ADARB2: variants seen among roughly 807,000 people sequenced by gnomAD.
ADARB2 encodes inactive double-stranded RNA-specific editase B2.
Under a neutral mutation model 62.2 loss-of-function variants are expected in ADARB2, and 25 were observed. The observed-to-expected ratio is 0.40, with a 90% confidence interval of 0.29 to 0.56. The LOEUF (loss-of-function observed/expected upper bound fraction) is 0.56. ADARB2 is among the 20% of genes least tolerant of loss of function. The pLI, the probability that ADARB2 is intolerant of heterozygous loss-of-function variation, is 0.43. For missense variants in ADARB2, 1,071 were observed against 1,077.4 expected (o/e 0.99, Z 0.08); for synonymous variants, 572 against 500.8 (o/e 1.14, Z -1.90).
At chr10:1,569,155 A>C (rs1049951443) in intron 1 of ADARB2, among the ~76,000 whole-genome samples, 5 of 151,896 alleles carry the variant, frequency 3.3e-5, no homozygotes, top group Admixed American at 1.3e-4. Context: ...AGTCAGAGAG[A>C]GACAGAGATA....
intron 1 of ADARB2, among the ~76,000 whole-genome samples, chr10:1,475,048 C>T (rs2676753): frequency 0.48 from 72,627 of 151,876 alleles, 17,772 homozygotes; most frequent in South Asian, 0.67. Context: ...CCACGGGCCG[C>T]TGCTACAGAG....
At chr10:1,287,076 G>C (rs1831421090) in intron 3 of ADARB2, among the ~76,000 whole-genome samples, 1 of 152,058 alleles carries the variant, frequency 6.6e-6, no homozygotes, top group Non-Finnish European at 1.5e-5. Flanking sequence ...GCGTATGTTG[G>C]GGTGACCTTT....
intron 3 of ADARB2, among the ~76,000 whole-genome samples, chr10:1,344,115 G>A (rs554368099): frequency 9.8e-5 from 15 of 152,292 alleles, no homozygotes; most frequent in African/African-American, 3.1e-4. Flanking sequence ...ACCTGTGGCC[G>A]TGAGTCCTCA....
intron 2 of ADARB2, among the ~76,000 whole-genome samples, chr10:1,376,056 C>T (rs1211257942): frequency 6.6e-6 from 1 of 152,066 alleles, no homozygotes; most frequent in Admixed American, 6.5e-5. Flanking sequence ...ACACACCACA[C>T]ATACCACATG....
intron 2 of ADARB2, among the ~76,000 whole-genome samples, chr10:1,375,947 CCA>C (rs1206140731): frequency 5.6e-5 from 6 of 106,988 alleles, no homozygotes; most frequent in South Asian, 4.6e-4. Flanking sequence ...CAGACACACA[CCA>C]CACACATGCA....
chr10:1,579,490 G>T (rs1833066331), intron 1 of ADARB2, among the ~76,000 whole-genome samples: 1 of 152,186 alleles, frequency 6.6e-6, no homozygotes, highest in Admixed American at 6.5e-5. Context: ...GCTGTAAAGA[G>T]TACATGAGGA....
At chr10:1,403,553 C>T (rs1832682780) in intron 1 of ADARB2, among the ~76,000 whole-genome samples, 1 of 152,202 alleles carries the variant, frequency 6.6e-6, no homozygotes, top group African/African-American at 2.4e-5. Flanking sequence ...GGCAGCAGCT[C>T]TGGGTGAGCT....
intron 1 of ADARB2, among the ~76,000 whole-genome samples, chr10:1,505,381 T>TG (rs1468406488): frequency 1.4e-5 from 2 of 146,370 alleles, no homozygotes; most frequent in Non-Finnish European, 3.1e-5. Context: ...GGAGGGTTTT[T>TG]GTTTTTTTTT....
intron 1 of ADARB2, among the ~76,000 whole-genome samples, chr10:1,604,421 C>T (rs1833469777): frequency 6.6e-6 from 1 of 152,144 alleles, no homozygotes; most frequent in African/African-American, 2.4e-5. Flanking sequence ...AGGCTGGGAA[C>T]AGGCAGGAAG....
intron 6 of ADARB2, among the ~76,000 whole-genome samples, chr10:1,230,135 C>G (rs1210839280): frequency 1.3e-5 from 2 of 152,078 alleles, no homozygotes; most frequent in Admixed American, 1.3e-4. Flanking sequence ...TGGCCCCCAG[C>G]AAAGGTCTCG....
Position 1,275,968 on chromosome 10 carries a change from C to T in ADARB2, c.1078-4899G>A, listed in dbSNP as rs567043346. Among the ~76,000 whole-genome samples, 183 of 152,108 alleles carry T rather than the reference C, an allele frequency of 1.2e-3. 1 individual carries two copies. The highest frequency in any genetic ancestry group is 2.0e-3 in the Non-Finnish European group (137 of 68,018). On this transcript the variant is annotated intron_variant, in intron 3 of 9. Coordinates refer to ENST00000381312, the MANE Select transcript of ADARB2 (RefSeq NM_018702.4). ...TGTGAATAGTGCCGCAATAAACATACGTGTGCATGTGTCTTTATAGCAGCA... is the reference window on the plus strand; with the variant it reads ...TGTGAATAGTGCCGCAATAAACATATGTGTGCATGTGTCTTTATAGCAGCA...
At chr10:1,607,428 C>T (rs939460155) in intron 1 of ADARB2, among the ~76,000 whole-genome samples, 1 of 152,224 alleles carries the variant, frequency 6.6e-6, no homozygotes, top group Non-Finnish European at 1.5e-5. Flanking sequence ...GACCTAACCT[C>T]GGCTCTGAAG....
At chr10:1,595,245 A>C (rs1399826337) in intron 1 of ADARB2, among the ~76,000 whole-genome samples, 6 of 152,234 alleles carry the variant, frequency 3.9e-5, no homozygotes, top group African/African-American at 1.4e-4. Flanking sequence ...CTCAGAGAAC[A>C]GATGATGATT....
At chr10:1,517,736 T>A (rs1161057726) in intron 1 of ADARB2, among the ~76,000 whole-genome samples, 1 of 152,078 alleles carries the variant, frequency 6.6e-6, no homozygotes, top group Non-Finnish European at 1.5e-5. Context: ...TCATGAAGAA[T>A]CCTGAAAAGA....
At chr10:1,480,063 CA>C (rs34518044) in intron 1 of ADARB2, among the ~76,000 whole-genome samples, 103 of 150,666 alleles carry the variant, frequency 6.8e-4, no homozygotes, top group African/African-American at 2.2e-3. Context: ...ATATACAAAA[CA>C]AAAAAAAACC....
chr10:1,569,076 GAC>G (rs57423136), intron 1 of ADARB2, among the ~76,000 whole-genome samples: 8,817 of 151,924 alleles, frequency 0.058, 332 homozygotes, highest in South Asian at 0.082. Flanking sequence ...GACAGAGACA[GAC>G]ACACAGAGAC....
At chr10:1,344,623 G>A (rs534280709) in intron 3 of ADARB2, among the ~76,000 whole-genome samples, 1 of 152,194 alleles carries the variant, frequency 6.6e-6, no homozygotes, top group African/African-American at 2.4e-5. Context: ...AGTCGCACAC[G>A]GACCCCATGC....
intron 1 of ADARB2, among the ~76,000 whole-genome samples, chr10:1,651,786 C>T (rs575260229): frequency 1.3e-5 from 2 of 152,094 alleles, no homozygotes; most frequent in Non-Finnish European, 2.9e-5. Context: ...GTGCTGCTTT[C>T]TCTCTGCCCG....
intron 1 of ADARB2, among the ~76,000 whole-genome samples, chr10:1,505,745 C>T (rs1392830556): frequency 9.9e-5 from 15 of 150,844 alleles, no homozygotes; most frequent in Non-Finnish European, 1.9e-4. Flanking sequence ...CTCCCGTCCC[C>T]ACCATGGCAG....
Sources: gnomAD v4.1 joint callset for allele counts (sites outside exome capture counted in the v4.1 genomes callset) on GRCh38, gnomAD v4.1.1 for gene constraint, MANE v1.5 for transcripts, NCBI Gene and HGNC (gene_info 2026-07-23, HGNC 2026-07-21) for gene names.